Variants in JAKMIP2 observed in about 807,000 individuals in gnomAD.
JAKMIP2 encodes the protein janus kinase and microtubule-interacting protein 2.
A neutral mutation model predicts 115.0 loss-of-function variants in JAKMIP2; 25 were observed. That is an observed-to-expected ratio of 0.22 (90% CI 0.16 to 0.30). The LOEUF is 0.30. Among genes scored for constraint, JAKMIP2 ranks in the 10% least tolerant of loss-of-function variants. JAKMIP2 has a pLI of 1.00. For synonymous variants in JAKMIP2, 334 were observed against 343.6 expected (o/e 0.97, Z 0.31); for missense variants, 642 against 957.6 (o/e 0.67, Z 4.35).
At chr5:147,771,942 C>G (rs1288934911) in intron 1 of JAKMIP2, among the ~76,000 whole-genome samples, 1 of 151,890 alleles carries the variant, frequency 6.6e-6, no homozygotes, top group Non-Finnish European at 1.5e-5. Flanking sequence ...CCCCTACCAC[C>G]AAAAAGAAAA....
intron 1 of JAKMIP2, among the ~76,000 whole-genome samples, chr5:147,758,347 G>C (rs1226267494): frequency 2.0e-5 from 3 of 152,098 alleles, no homozygotes; most frequent in African/African-American, 4.8e-5. Flanking sequence ...ATTTTTAGGA[G>C]AGGTAAAAAT....
chr5:147,621,929 G>A (rs1395775314), intron 17 of JAKMIP2, among the ~76,000 whole-genome samples: 5 of 151,998 alleles, frequency 3.3e-5, no homozygotes, highest in African/African-American at 7.2e-5. Flanking sequence ...GTGCAATGGC[G>A]CGATCTCGGC....
At chr5:147,733,747 G>A (rs1561566345) in intron 1 of JAKMIP2, among the ~76,000 whole-genome samples, 1 of 152,140 alleles carries the variant, frequency 6.6e-6, no homozygotes, top group Non-Finnish European at 1.5e-5. Context: ...AGTTTGCTGA[G>A]AATGATGGTT....
At chr5:147,627,289 T>C (rs1031229328) in intron 16 of JAKMIP2, among the ~76,000 whole-genome samples, 1 of 151,874 alleles carries the variant, frequency 6.6e-6, no homozygotes, top group African/African-American at 2.4e-5. Flanking sequence ...GCCTCCTCAT[T>C]ATGGGGAAGT....
chr5:147,618,972 A>G (rs6861316), intron 18 of JAKMIP2, among the ~76,000 whole-genome samples: 7,423 of 152,186 alleles, frequency 0.049, 585 homozygotes, highest in African/African-American at 0.17. Flanking sequence ...AATGACCTAA[A>G]GTTTTGGAAT....
chr5:147,711,737 G>A (rs1486194254), intron 1 of JAKMIP2, among the ~76,000 whole-genome samples: 1 of 152,112 alleles, frequency 6.6e-6, no homozygotes, highest in Admixed American at 6.5e-5. Flanking sequence ...GAGGTATCTT[G>A]GCTCACTGCA....
chr5:147,667,197 G>A (rs1272555758), intron 2 of JAKMIP2, among the ~76,000 whole-genome samples: 1 of 152,090 alleles, frequency 6.6e-6, no homozygotes, highest in Non-Finnish European at 1.5e-5. Context: ...GTGAAGGGGA[G>A]AGCACTCGGT....
At position 147,650,360 on chromosome 5, in the gene JAKMIP2, C is replaced by T. The variant is rs575070233; in HGVS notation, c.815G>A (p.Gly272Asp). ...TACAGGACTGCTGCAGTGTTCGGAA[C>T]CATCACCTGCCCTTCCTGGAATTTC... ...KREIPGRAGD[G>D]SEHCSSPDLR... Residue 272 changes from glycine (G) to aspartate (D), a missense_variant, in exon 4 of 22, where the codon GGT becomes GAT. Gly to Asp is a moderately conservative substitution (Grantham distance 94). Transcript: ENST00000616793. 6.2e-7 allele frequency: 1 copy of T among 1,612,440 alleles called. No homozygotes were observed. The highest frequency in any genetic ancestry group is 1.3e-5 in the African/African-American group (1 of 75,002).
intron 1 of JAKMIP2, among the ~76,000 whole-genome samples, chr5:147,702,194 G>A (rs1228350991): frequency 1.3e-5 from 2 of 151,906 alleles, no homozygotes; most frequent in East Asian, 3.9e-4. Context: ...ATCTGAACCT[G>A]CTAGTGGCTA....
chr5:147,653,172 C>T (rs1230680330), intron 3 of JAKMIP2, among the ~76,000 whole-genome samples: 4 of 152,232 alleles, frequency 2.6e-5, no homozygotes, highest in South Asian at 2.1e-4. Context: ...AATAAACATA[C>T]GTGTGAATGT....
intron 19 of JAKMIP2, among the ~76,000 whole-genome samples, chr5:147,613,985 T>C (rs1208953877): frequency 1.3e-5 from 2 of 152,204 alleles, no homozygotes; most frequent in African/African-American, 4.8e-5. Flanking sequence ...CAGTGCTCCA[T>C]AGCTACACAG....
At chr5:147,722,545 G>T (rs759478774) in intron 1 of JAKMIP2, among the ~76,000 whole-genome samples, 4 of 152,100 alleles carry the variant, frequency 2.6e-5, no homozygotes, top group Non-Finnish European at 4.4e-5. Flanking sequence ...TTTATATTTT[G>T]TCTCATTGAG....
At chr5:147,766,187 G>C (rs984473489) in intron 1 of JAKMIP2, among the ~76,000 whole-genome samples, 5 of 152,102 alleles carry the variant, frequency 3.3e-5, no homozygotes, top group Non-Finnish European at 7.4e-5. Context: ...GCCAATGGGA[G>C]AATAAGTGAA....
intron 5 of JAKMIP2, among the ~76,000 whole-genome samples, chr5:147,646,315 A>G (rs1395910590): frequency 1.3e-5 from 2 of 152,208 alleles, no homozygotes; most frequent in Admixed American, 6.5e-5. Flanking sequence ...GTCCTGAAGC[A>G]TTAATGCCTT....
chr5:147,628,929 T>C (rs1757233527), intron 15 of JAKMIP2, 113 bp from the exon 16 acceptor site: 1 of 661,592 alleles, frequency 1.5e-6, no homozygotes, highest in Non-Finnish European at 2.6e-6. Context: ...TATAGAAACT[T>C]AACAAATTCC....
chr5:147,751,411 A>T (rs1483302987), intron 1 of JAKMIP2, among the ~76,000 whole-genome samples: 1 of 152,026 alleles, frequency 6.6e-6, no homozygotes, highest in Non-Finnish European at 1.5e-5. Flanking sequence ...ATGACTTTTA[A>T]GAGAAAGGAC....
chr5:147,636,640 T>A (rs1198551560), intron 11 of JAKMIP2, among the ~76,000 whole-genome samples: 1 of 152,104 alleles, frequency 6.6e-6, no homozygotes, highest in Non-Finnish European at 1.5e-5. Flanking sequence ...GAACCATAAA[T>A]GTAGCATAGA....
At chr5:147,598,158 G>A (rs950259436) in intron 21 of JAKMIP2, among the ~76,000 whole-genome samples, 4 of 151,936 alleles carry the variant, frequency 2.6e-5, no homozygotes, top group Admixed American at 1.3e-4. Context: ...CCGCCACCAC[G>A]CCTGGCTAAT....
chr5:147,607,062 G>A (rs1756055022), intron 20 of JAKMIP2, among the ~76,000 whole-genome samples: 1 of 152,166 alleles, frequency 6.6e-6, no homozygotes, highest in Non-Finnish European at 1.5e-5. Context: ...ATCAGCTTAA[G>A]GAGTTTTTGG....
Sources: allele counts gnomAD v4.1 joint callset (sites outside exome capture counted in the v4.1 genomes callset), GRCh38; gene constraint gnomAD v4.1.1; transcripts MANE v1.5; gene names NCBI Gene and HGNC (gene_info 2026-07-23, HGNC 2026-07-21).